The following OXR1 variants were observed in gnomAD, a reference collection of about 807,000 sequenced individuals.
OXR1 encodes oxidation resistance protein 1.
A neutral mutation model predicts 104.6 loss-of-function variants in OXR1; 41 were observed. The observed-to-expected ratio is 0.39, with a 90% confidence interval of 0.31 to 0.51. The LOEUF is 0.51. Among genes scored for constraint, OXR1 ranks in the 20% least tolerant of loss-of-function variants. OXR1 has a pLI of 0.77. For missense variants in OXR1, 955 were observed against 1,031.9 expected (o/e 0.93, Z 1.02); for synonymous variants, 348 against 348.4 (o/e 1.00, Z 0.01).
intron 1 of OXR1, among the ~76,000 whole-genome samples, chr8:106,331,886 C>A (rs1046418504): frequency 6.6e-6 from 1 of 151,034 alleles, no homozygotes; most frequent in African/African-American, 2.4e-5. Context: ...TGTAGTGAGA[C>A]AAGAACGCAC....
At chr8:106,391,598 C>T (rs1418644902) in intron 2 of OXR1, among the ~76,000 whole-genome samples, 1 of 151,702 alleles carries the variant, frequency 6.6e-6, no homozygotes, top group Non-Finnish European at 1.5e-5. Flanking sequence ...TTTTATATAC[C>T]ACAACAAATG....
chr8:106,591,443 A>AT (rs1415340407), intron 3 of OXR1, among the ~76,000 whole-genome samples: 4 of 96,548 alleles, frequency 4.1e-5, no homozygotes, highest in African/African-American at 2.4e-4. Context: ...TTAAAGTATA[A>AT]TTAAAAAAAA....
intron 1 of OXR1, among the ~76,000 whole-genome samples, chr8:106,336,263 G>A (rs1814959557): frequency 6.6e-6 from 1 of 152,174 alleles, no homozygotes. Context: ...AACAGGAGTA[G>A]CCATTGTCTG....
intron 1 of OXR1, among the ~76,000 whole-genome samples, chr8:106,319,718 C>A (rs947981346): frequency 2.0e-5 from 3 of 152,168 alleles, no homozygotes; most frequent in Non-Finnish European, 4.4e-5. Context: ...GAGAATAACT[C>A]CCCAAAGATA....
intron 3 of OXR1, among the ~76,000 whole-genome samples, chr8:106,672,417 G>T (rs1384877367): frequency 3.9e-5 from 6 of 151,916 alleles, no homozygotes; most frequent in South Asian, 2.1e-4. Flanking sequence ...AACCTGGGAG[G>T]TTGGGGTTGC....
intron 3 of OXR1, among the ~76,000 whole-genome samples, chr8:106,643,659 TGA>T (rs1823844145): frequency 6.6e-6 from 1 of 152,264 alleles, no homozygotes; most frequent in East Asian, 1.9e-4. Context: ...TTGGGTGAAC[TGA>T]GAGAGTAACA....
chr8:106,726,415 T>C (rs1833351967), intron 11 of OXR1: 2 of 622,040 alleles, frequency 3.2e-6, no homozygotes, highest in Admixed American at 3.6e-5. Flanking sequence ...AGGATATTTA[T>C]AGAATACAAA....
At chr8:106,608,642 G>A (rs1316693315) in intron 3 of OXR1, among the ~76,000 whole-genome samples, 1 of 152,124 alleles carries the variant, frequency 6.6e-6, no homozygotes. Flanking sequence ...TCTTGTGGAG[G>A]TAAATAATCT....
At chr8:106,319,166 T>C (rs902409722) in intron 1 of OXR1, among the ~76,000 whole-genome samples, 1 of 152,234 alleles carries the variant, frequency 6.6e-6, no homozygotes, top group Non-Finnish European at 1.5e-5. Context: ...TGGGTTCTTA[T>C]TTCCATGAGA....
At chr8:106,686,889 T>C (rs1259756735) in intron 6 of OXR1, among the ~76,000 whole-genome samples, 1 of 152,164 alleles carries the variant, frequency 6.6e-6, no homozygotes, top group Non-Finnish European at 1.5e-5. Flanking sequence ...GAGGAAGAAA[T>C]ATAGAAGGAG....
At chr8:106,479,315 A>T (rs1301408488) in intron 2 of OXR1, among the ~76,000 whole-genome samples, 1 of 152,028 alleles carries the variant, frequency 6.6e-6, no homozygotes, top group African/African-American at 2.4e-5. Context: ...TATGCATGCC[A>T]TCATGTCATG....
At chr8:106,439,890 A>G (rs1819716817) in intron 2 of OXR1, among the ~76,000 whole-genome samples, 1 of 152,174 alleles carries the variant, frequency 6.6e-6, no homozygotes, top group African/African-American at 2.4e-5. Context: ...TAGGTTCTGC[A>G]TTTAAAGCTC....
intron 3 of OXR1, among the ~76,000 whole-genome samples, chr8:106,576,466 CAA>C (rs55917847): frequency 7.6e-4 from 85 of 112,422 alleles, no homozygotes; most frequent in African/African-American, 2.5e-3. Context: ...CACAGTTATT[CAA>C]AAAAAAAAAA....
At chr8:106,336,363 T>C (rs1814965861) in intron 1 of OXR1, among the ~76,000 whole-genome samples, 1 of 152,204 alleles carries the variant, frequency 6.6e-6, no homozygotes, top group Non-Finnish European at 1.5e-5. Flanking sequence ...GCAATTCCAA[T>C]GACAGATTCA....
intron 11 of OXR1, among the ~76,000 whole-genome samples, chr8:106,727,017 G>T (rs1463921838): frequency 6.6e-6 from 1 of 152,262 alleles, no homozygotes; most frequent in East Asian, 1.9e-4. Flanking sequence ...CCCCAAAGCA[G>T]CTTGCCGCCC....
At chr8:106,302,320 C>T (rs537493223) in intron 1 of OXR1, among the ~76,000 whole-genome samples, 2 of 152,196 alleles carry the variant, frequency 1.3e-5, no homozygotes, top group East Asian at 1.9e-4. Context: ...CGGTGGCTCA[C>T]GCCTGTAATC....
intron 1 of OXR1, among the ~76,000 whole-genome samples, chr8:106,334,925 T>C (rs1814894089): frequency 6.6e-6 from 1 of 152,134 alleles, no homozygotes; most frequent in Admixed American, 6.5e-5. Context: ...CAATAACAGA[T>C]GCAAACTCCT....
intron 2 of OXR1, among the ~76,000 whole-genome samples, chr8:106,486,669 T>C (rs1397296271): frequency 6.6e-6 from 1 of 152,118 alleles, no homozygotes; most frequent in Non-Finnish European, 1.5e-5. Context: ...TTTTTATTTA[T>C]ATTAAGAGTT....
rs201284466 is a variant in OXR1, at chr8:106,276,769, AAAAG to A, written c.-139+6403_-139+6406del. Among the ~76,000 whole-genome samples, 1,408 of 151,918 alleles carry A rather than the reference AAAAG, an allele frequency of 9.3e-3. 16 individuals carry two copies. The highest frequency in any genetic ancestry group is 0.015 in the Non-Finnish European group (1,033 of 67,916). ...TGTTAGAGGCAAAAAAAAAAAAAAA[AAAAG>A]GTAACTGATGGGTCTCTAATTATGT... On this transcript the variant is annotated intron_variant, in intron 1 of 16. Transcript: ENST00000517566.
Sources: allele counts gnomAD v4.1 joint callset (sites outside exome capture counted in the v4.1 genomes callset), GRCh38; gene constraint gnomAD v4.1.1; transcripts MANE v1.5; gene names NCBI Gene and HGNC (gene_info 2026-07-23, HGNC 2026-07-21).